The following CRPPA variants were observed in gnomAD, a reference collection of about 807,000 sequenced individuals.
CRPPA encodes the protein CDP-L-ribitol pyrophosphorylase A, also known as D-ribitol-5-phosphate cytidylyltransferase.
Under a neutral mutation model 52.0 loss-of-function variants are expected in CRPPA, and 43 were observed. The observed-to-expected ratio is 0.83, with a 90% CI of 0.65 to 1.07. The LOEUF is 1.07. Ranked by LOEUF, CRPPA falls within the 50% of genes least tolerant of loss-of-function variation. The pLI is 0.00. For missense variants in CRPPA, 629 were observed against 551.7 expected (o/e 1.14, Z -1.40); for synonymous variants, 250 against 203.5 (o/e 1.23, Z -1.94).
chr7:16,290,625 T>G (rs1383611199), intron 5 of CRPPA, among the ~76,000 whole-genome samples: 1 of 151,940 alleles, frequency 6.6e-6, no homozygotes, highest in Non-Finnish European at 1.5e-5. Flanking sequence ...CTATCTCTCA[T>G]CATATACAAA....
intron 3 of CRPPA, among the ~76,000 whole-genome samples, chr7:16,351,071 C>T (rs1055936674): frequency 3.3e-5 from 5 of 152,028 alleles, no homozygotes; most frequent in South Asian, 2.1e-4. Flanking sequence ...TATATAGGCA[C>T]CCAATATCAG....
intron 3 of CRPPA, among the ~76,000 whole-genome samples, chr7:16,368,733 A>C (rs1786673039): frequency 6.6e-6 from 1 of 152,212 alleles, no homozygotes; most frequent in Non-Finnish European, 1.5e-5. Flanking sequence ...TAAATGTCAC[A>C]ATTTTATTGA....
At position 16,286,100 on chromosome 7, in the gene CRPPA, AT is replaced by A. The variant is rs1449129806; in HGVS notation, c.836-7875del. On this transcript the variant is annotated intron_variant, in intron 5 of 9. Transcript: ENST00000407010. ...ATATATAATATTTAAAAAAAAAAATATATATATATATATATATGCCAAAAAG... is the reference window on the plus strand; with the variant it reads ...ATATATAATATTTAAAAAAAAAAATAATATATATATATATATGCCAAAAAG... Among the ~76,000 whole-genome samples, 189 of 97,526 alleles carry A rather than the reference AT, an allele frequency of 1.9e-3. 11 individuals are homozygous for A. Among genetic ancestry groups the A allele is most frequent in the African/African-American group, 8.4e-3 (178 of 21,162 alleles). The allele number at this position is 97,526 out of a possible 152,430, so 64.0% of individuals were successfully genotyped here.
intron 2 of CRPPA, among the ~76,000 whole-genome samples, chr7:16,398,790 A>C (rs562699452): frequency 1.5e-4 from 23 of 152,350 alleles, no homozygotes; most frequent in African/African-American, 5.5e-4. Context: ...CTTGACTGAC[A>C]CGTGATTAAC....
At chr7:16,359,209 ACTC>A (rs1325815102) in intron 3 of CRPPA, among the ~76,000 whole-genome samples, 1 of 151,934 alleles carries the variant, frequency 6.6e-6, no homozygotes, top group Non-Finnish European at 1.5e-5. Context: ...GTAACCTAGA[ACTC>A]CTTGGCTCAA....
intron 9 of CRPPA, among the ~76,000 whole-genome samples, chr7:16,186,986 A>G (rs938426154): frequency 1.3e-5 from 2 of 152,200 alleles, no homozygotes; most frequent in Non-Finnish European, 2.9e-5. Flanking sequence ...ATCTTTGCTC[A>G]TGTGCAAAGA....
chr7:16,247,686 A>C (rs1296903919), intron 8 of CRPPA, among the ~76,000 whole-genome samples: 2 of 152,204 alleles, frequency 1.3e-5, no homozygotes, highest in African/African-American at 4.8e-5. Flanking sequence ...AGGGTTGCCA[A>C]AAAACTTCAA....
chr7:16,162,056 G>A (rs528932506), intron 9 of CRPPA, among the ~76,000 whole-genome samples: 133 of 151,980 alleles, frequency 8.8e-4, no homozygotes, highest in African/African-American at 2.9e-3. Context: ...TTTTTATTGT[G>A]TCTATTTGAT....
At chr7:16,204,305 T>G (rs1021433053) in intron 9 of CRPPA, among the ~76,000 whole-genome samples, 1 of 152,120 alleles carries the variant, frequency 6.6e-6, no homozygotes, top group Non-Finnish European at 1.5e-5. Context: ...ATAAACCAAT[T>G]AAAATTCTGA....
chr7:16,403,184 T>G (rs958162478), intron 2 of CRPPA, among the ~76,000 whole-genome samples: 1 of 152,098 alleles, frequency 6.6e-6, no homozygotes, highest in African/African-American at 2.4e-5. Flanking sequence ...CCAGAAAAAC[T>G]ATCATCATTA....
At chr7:16,323,493 T>C (rs1279908071) in intron 3 of CRPPA, among the ~76,000 whole-genome samples, 1 of 152,124 alleles carries the variant, frequency 6.6e-6, no homozygotes, top group Non-Finnish European at 1.5e-5. Context: ...GAGAAGAACA[T>C]GGTTGGATAA....
intron 9 of CRPPA, among the ~76,000 whole-genome samples, chr7:16,177,136 C>T (rs369630934): frequency 1.3e-5 from 2 of 151,988 alleles, no homozygotes; most frequent in East Asian, 3.9e-4. Context: ...CAATAGTTGG[C>T]AGGCTTTAGG....
chr7:16,315,169 G>A (rs1785118987), intron 3 of CRPPA, among the ~76,000 whole-genome samples: 1 of 152,052 alleles, frequency 6.6e-6, no homozygotes, highest in East Asian at 1.9e-4. Flanking sequence ...GCATCAAAGG[G>A]ATTCTTCATT....
chr7:16,270,859 C>T (rs1784074297), intron 6 of CRPPA, among the ~76,000 whole-genome samples: 1 of 152,100 alleles, frequency 6.6e-6, no homozygotes, highest in Non-Finnish European at 1.5e-5. Context: ...GCTTAATTTG[C>T]TCTGTTTATG....
intron 9 of CRPPA, among the ~76,000 whole-genome samples, chr7:16,209,890 A>C (rs1782083579): frequency 6.6e-6 from 1 of 152,230 alleles, no homozygotes; most frequent in Non-Finnish European, 1.5e-5. Flanking sequence ...CTGAAGAACA[A>C]GAACTTAAAG....
chr7:16,315,789 A>G (rs1469902507), intron 3 of CRPPA, among the ~76,000 whole-genome samples: 1 of 152,078 alleles, frequency 6.6e-6, no homozygotes, highest in East Asian at 1.9e-4. Context: ...CTGAGTCTCT[A>G]GCAATTCTTC....
chr7:16,204,871 A>G (rs113852160), intron 9 of CRPPA, among the ~76,000 whole-genome samples: 4,152 of 152,276 alleles, frequency 0.027, 179 homozygotes, highest in African/African-American at 0.095. Flanking sequence ...ATTTTTTAAA[A>G]ATCATAACTT....
chr7:16,176,567 A>G (rs1469092827), intron 9 of CRPPA, among the ~76,000 whole-genome samples: 1 of 152,178 alleles, frequency 6.6e-6, no homozygotes, highest in Non-Finnish European at 1.5e-5. Flanking sequence ...CATTTCTAGC[A>G]TAATGCAAAA....
At chr7:16,383,692 G>A (rs1787177021) in intron 2 of CRPPA, among the ~76,000 whole-genome samples, 1 of 152,176 alleles carries the variant, frequency 6.6e-6, no homozygotes, top group South Asian at 2.1e-4. Flanking sequence ...AGCAAGCCTG[G>A]GCAATGGCAG....
Sources: gnomAD v4.1 joint callset for allele counts (sites outside exome capture counted in the v4.1 genomes callset) on GRCh38, gnomAD v4.1.1 for gene constraint, MANE v1.5 for transcripts, NCBI Gene and HGNC (gene_info 2026-07-23, HGNC 2026-07-21) for gene names.